ATG2B: variants seen among roughly 807,000 people sequenced by gnomAD.
ATG2B encodes the protein autophagy-related protein 2 homolog B.
A neutral mutation model predicts 241.3 loss-of-function variants in ATG2B; 121 were observed. The ratio of observed to expected loss-of-function variants is 0.50; its 90% CI spans 0.43 to 0.58. The LOEUF is 0.58. ATG2B is among the 20% of genes least tolerant of loss of function. ATG2B has a pLI of 0.00. For synonymous variants in ATG2B, 858 were observed against 876.6 expected, an observed-to-expected ratio of 0.98 and a Z score of 0.37; for missense variants, 2,306 against 2,491.6, an observed-to-expected ratio of 0.93 and a Z score of 1.59.
intron 10 of ATG2B, 104 bp from the exon 11 acceptor site, chr14:96,331,741 T>G: frequency 2.2e-6 from 2 of 895,464 alleles, no homozygotes; most frequent in Non-Finnish European, 3.3e-6. Context: ...CAGATGATCA[T>G]ACAACAGTTT....
chr14:96,355,197 T>C (rs1319437349), intron 1 of ATG2B, among the ~76,000 whole-genome samples: 1 of 152,250 alleles, frequency 6.6e-6, no homozygotes, highest in Non-Finnish European at 1.5e-5. Flanking sequence ...TTCTTCATCA[T>C]GAAATCTTTG....
intron 6 of ATG2B, among the ~76,000 whole-genome samples, chr14:96,338,424 G>C (rs1379121975): frequency 6.6e-6 from 1 of 152,076 alleles, no homozygotes; most frequent in Non-Finnish European, 1.5e-5. Flanking sequence ...TTGTAAGTTT[G>C]TTATATATGT....
At chr14:96,345,528 T>C in intron 2 of ATG2B, 143 bp from the exon 3 acceptor site, 1 of 557,310 alleles carries the variant, frequency 1.8e-6, no homozygotes, top group Non-Finnish European at 2.9e-6. Context: ...TAAACAATAT[T>C]CTAGAAAGTA....
In ATG2B at chr14:96,313,092, G is replaced by C. The variant is rs1887205773; in HGVS notation, c.3815C>G (p.Ala1272Gly). 6.2e-7 allele frequency: 1 copy of C among 1,612,646 alleles called. No individual in the cohort carries two copies. The highest frequency in any genetic ancestry group is 8.5e-7 in the Non-Finnish European group (1 of 1,178,992). The change falls in exon 25 of 42, where the codon GCA (alanine) becomes GGA (glycine). Residue 1272 changes from alanine (A) to glycine (G), a missense_variant. Ala to Gly is a moderately conservative substitution (Grantham distance 60). Coordinates refer to ENST00000359933, the MANE Select transcript of ATG2B (RefSeq NM_018036.7). ...VETFSVSSSV[A>G]LDKSSSTLRI... Reference sequence around the variant, plus strand: ...GAGAGTAGAGGAAGATTTATCCAATGCAACGCTACTGGAAACACTGAATGT... The same window carrying C: ...GAGAGTAGAGGAAGATTTATCCAATCCAACGCTACTGGAAACACTGAATGT...
At chr14:96,305,556 C>T (rs755093276) in intron 31 of ATG2B, 33 bp downstream of exon 31, 1 of 1,420,416 alleles carries the variant, frequency 7.0e-7, no homozygotes, top group Non-Finnish European at 9.7e-7. Context: ...ATATATTGGC[C>T]TCCCAAATAA....
chr14:96,328,259 T>C (rs1213495875), intron 14 of ATG2B, 88 bp downstream of exon 14: 18 of 871,608 alleles, frequency 2.1e-5, no homozygotes, highest in East Asian at 1.1e-4. Context: ...GTTTAATCTA[T>C]TAAAAATACT....
intron 6 of ATG2B, among the ~76,000 whole-genome samples, chr14:96,335,753 T>A (rs185036646): frequency 4.9e-4 from 75 of 152,288 alleles, no homozygotes; most frequent in African/African-American, 1.8e-3. Flanking sequence ...AGAGAGAAAA[T>A]GTGTTTCTAA....
At chr14:96,297,119 TA>T (rs1886664531) in intron 34 of ATG2B, among the ~76,000 whole-genome samples, 1 of 152,148 alleles carries the variant, frequency 6.6e-6, no homozygotes, top group African/African-American at 2.4e-5. Flanking sequence ...ATTTCCATCA[TA>T]CACATTTAAT....
chr14:96,317,845 C>T lies in ATG2B; in HGVS notation c.2890G>A (p.Asp964Asn), dbSNP rs1186308051. 4 of 1,602,904 alleles carry T rather than the reference C, an allele frequency of 2.5e-6. No individual in the cohort carries two copies. Among genetic ancestry groups the T allele is most frequent in the Non-Finnish European group, 3.4e-6 (4 of 1,174,158 alleles). The change falls in exon 19 of 42, where the codon GAC becomes AAC. Residue 964 changes from aspartate to asparagine, a missense_variant. Physicochemically the swap from Asp to Asn is conservative, Grantham distance 23 (BLOSUM62 1). Coordinates refer to ENST00000359933, the MANE Select transcript of ATG2B (RefSeq NM_018036.7). ...GCTGTTGGTTCCCACAGTAGCAAGTCATTAAAGATCCTATAAAGACAAAAG... is the reference window on the plus strand; with the variant it reads ...GCTGTTGGTTCCCACAGTAGCAAGTTATTAAAGATCCTATAAAGACAAAAG... ...YEKLYNRIFN[D>N]LLLWEPTAPS...
chr14:96,309,876 C>T (rs541943637), intron 28 of ATG2B, among the ~76,000 whole-genome samples: 1 of 152,156 alleles, frequency 6.6e-6, no homozygotes, highest in Non-Finnish European at 1.5e-5. Flanking sequence ...GTTGAACAAA[C>T]TGCAATAAAG....
rs775571616 is a variant in ATG2B, at chr14:96,345,302, T to C, written c.409A>G (p.Thr137Ala). The change falls in exon 3 of 42, where the codon ACA becomes GCA. Residue 137 changes from threonine (T) to alanine (A), a missense_variant. Physicochemically the swap from Thr to Ala is moderately conservative, Grantham distance 58 (BLOSUM62 0). Transcript: ENST00000359933. Reference protein sequence around the residue: ...LAKECLSQKLTDEQGEGSQPF... With the variant: ...LAKECLSQKLADEQGEGSQPF... ...TGGGATCCTTCTCCTTGTTCATCTG[T>C]TAGTTTCTGGCTAAGACATTCTTTT... 1.2e-6 allele frequency: 2 copies of C among 1,613,424 alleles called. No individual in the cohort carries two copies. The highest frequency in any genetic ancestry group is 2.7e-5 in the African/African-American group (2 of 74,910).
chr14:96,328,209 C>A, intron 14 of ATG2B, 138 bp downstream of exon 14: 1 of 586,614 alleles, frequency 1.7e-6, no homozygotes, highest in Non-Finnish European at 2.7e-6. Context: ...AAGATGTCTC[C>A]TTTTTTTATT....
Position 96,303,175 on chromosome 14 carries a change from C to T in ATG2B, c.4923G>A (p.Gln1641=). The T allele has an allele frequency of 1.2e-6, 2 of 1,613,222 alleles. No individual in the cohort carries two copies. Among genetic ancestry groups the T allele is most frequent in the Non-Finnish European group, 1.7e-6 (2 of 1,179,640 alleles). Residue 1641 remains glutamine, a synonymous_variant, in exon 33 of 42, where the codon CAG becomes CAA. Transcript: ENST00000359933. The part of the protein sequence containing the change: ...SSLSEHPVSR[Q]VFIVQDLEIR... ...TCTCAAGATCCTGAACAATGAACAC[C>T]TGCCGGGAGACTGGGTGTTCTGAGA...
chr14:96,293,832 G>A (rs879843064), intron 36 of ATG2B, among the ~76,000 whole-genome samples: 44 of 152,078 alleles, frequency 2.9e-4, no homozygotes, highest in Non-Finnish European at 4.0e-4. Flanking sequence ...AAATAAATGG[G>A]TAACCCTACT....
intron 18 of ATG2B, among the ~76,000 whole-genome samples, chr14:96,320,731 T>C (rs1887437430): frequency 6.6e-6 from 1 of 152,198 alleles, no homozygotes; most frequent in South Asian, 2.1e-4. Flanking sequence ...GAGAAAAAAA[T>C]AGGTCAAGTG....
chr14:96,313,989 C>G (rs1300447768), intron 23 of ATG2B, among the ~76,000 whole-genome samples: 1 of 152,158 alleles, frequency 6.6e-6, no homozygotes, highest in Non-Finnish European at 1.5e-5. Flanking sequence ...GAAGGAAGCT[C>G]TTTTTCCTTA....
At chr14:96,361,395 A>G (rs1888623783) in intron 1 of ATG2B, among the ~76,000 whole-genome samples, 1 of 152,200 alleles carries the variant, frequency 6.6e-6, no homozygotes, top group Non-Finnish European at 1.5e-5. Flanking sequence ...GTAAAATGGA[A>G]ATATTAATGC....
intron 35 of ATG2B, 47 bp downstream of exon 35, chr14:96,295,435 C>A: frequency 2.3e-6 from 3 of 1,297,138 alleles, no homozygotes; most frequent in South Asian, 2.7e-5. Flanking sequence ...CAATTAAAAT[C>A]AATCCAAGTA....
intron 4 of ATG2B, 56 bp from the exon 5 acceptor site, chr14:96,343,337 C>T (rs1325803710): frequency 4.3e-5 from 57 of 1,323,198 alleles, no homozygotes; most frequent in Non-Finnish European, 5.1e-5. Context: ...AGCGCACCAG[C>T]ATGGCACATG....
Sources: allele counts gnomAD v4.1 joint callset (sites outside exome capture counted in the v4.1 genomes callset), GRCh38; gene constraint gnomAD v4.1.1; transcripts MANE v1.5; gene names NCBI Gene and HGNC (gene_info 2026-07-23, HGNC 2026-07-21).